The following ICE1 variants were observed in gnomAD, a reference collection of about 807,000 sequenced individuals.
The protein encoded by ICE1 is interactor of little elongation complex ELL subunit 1, also known as little elongation complex subunit 1.
In ICE1, 64 loss-of-function variants were observed where a neutral mutation model predicts 192.7. That is an observed-to-expected ratio of 0.33 (90% confidence interval 0.27 to 0.41). The LOEUF is 0.41. ICE1 is among the 10% of genes least tolerant of loss of function. The pLI is 1.00. For synonymous variants in ICE1, 1,010 were observed against 984.5 expected, an observed-to-expected ratio of 1.03 and a Z score of -0.49; for missense variants, 2,708 against 2,696.0, an observed-to-expected ratio of 1.00 and a Z score of -0.10.
In ICE1 at chr5:5,457,584, G is replaced by T; in HGVS notation, c.944G>T (p.Gly315Val). ...EVLVQSHRDG[G>V]STEFVDHDHF... is the part of the protein sequence containing the mutation. ...TTAGTACAAAGTCATCGTGACGGTG[G>T]TAGTACTGAATTTGTTGATCATGAT... The change falls in exon 12 of 19, where the codon GGT becomes GTT. Residue 315 changes from glycine to valine, a missense_variant. Coordinates refer to ENST00000296564, the MANE Select transcript of ICE1 (RefSeq NM_015325.3). 1.2e-6 allele frequency: 2 copies of T among 1,613,974 alleles called. No homozygotes were observed. Among genetic ancestry groups the T allele is most frequent in the Non-Finnish European group, 1.7e-6 (2 of 1,179,884 alleles).
In ICE1 at chr5:5,424,378, C is replaced by T. The variant is rs113179591; in HGVS notation, c.84+1379C>T. 4.0e-3 allele frequency among the ~76,000 whole-genome samples: 611 copies of T among 152,138 alleles called. 3 individuals are homozygous for T. Among genetic ancestry groups the T allele is most frequent in the Middle Eastern group, 0.01 (3 of 292 alleles). On this transcript the variant is annotated intron_variant, in intron 1 of 18. Coordinates refer to ENST00000296564, the MANE Select transcript of ICE1 (RefSeq NM_015325.3). Reference sequence around the variant, plus strand: ...TGTGTAGGTATCTTATAACGCCCCCCCGCCCCCGCCACCACCACCCCAGGA... The same window carrying T: ...TGTGTAGGTATCTTATAACGCCCCCTCGCCCCCGCCACCACCACCCCAGGA...
At chr5:5,456,435 G>GAGCT (rs1215446422) in intron 11 of ICE1, among the ~76,000 whole-genome samples, 2 of 152,166 alleles carry the variant, frequency 1.3e-5, no homozygotes, top group East Asian at 3.9e-4. Context: ...ACGTAAGGAA[G>GAGCT]AGCTGTTCCT....
At chr5:5,442,674 A>G (rs1445833969) in intron 5 of ICE1, among the ~76,000 whole-genome samples, 1 of 152,214 alleles carries the variant, frequency 6.6e-6, no homozygotes, top group Non-Finnish European at 1.5e-5. Context: ...GATTAAAGAA[A>G]TGTATAGTTA....
chr5:5,473,420 T>A, intron 15 of ICE1, 138 bp from the exon 16 acceptor site: 1 of 722,842 alleles, frequency 1.4e-6, no homozygotes, highest in South Asian at 2.0e-5. Flanking sequence ...ACATGGTTCC[T>A]TAGTCAAACT....
chr5:5,488,608 T>C (rs1463996033), intron 18 of ICE1, among the ~76,000 whole-genome samples: 2 of 151,468 alleles, frequency 1.3e-5, no homozygotes, highest in African/African-American at 4.9e-5. Flanking sequence ...ACTGTGATAA[T>C]ACACTGTAAT....
chr5:5,425,100 T>C (rs759293323), intron 1 of ICE1, among the ~76,000 whole-genome samples: 11 of 152,244 alleles, frequency 7.2e-5, no homozygotes, highest in Admixed American at 1.3e-4. Flanking sequence ...GCAGCTCTTT[T>C]TTTCTCATAA....
At chr5:5,442,948 T>G (rs942160505) in intron 5 of ICE1, among the ~76,000 whole-genome samples, 1 of 152,208 alleles carries the variant, frequency 6.6e-6, no homozygotes, top group African/African-American at 2.4e-5. Context: ...GCAATAAAAT[T>G]AGTATATTGT....
intron 16 of ICE1, among the ~76,000 whole-genome samples, chr5:5,475,189 G>T (rs574834944): frequency 1.3e-5 from 2 of 152,104 alleles, no homozygotes; most frequent in Non-Finnish European, 2.9e-5. Context: ...CCCTGCACTC[G>T]TGATGAAGAC....
In ICE1 at chr5:5,461,102, A is replaced by G; in HGVS notation, c.1768A>G (p.Arg590Gly). The change falls in exon 13 of 19, where the codon AGA becomes GGA. Residue 590 changes from arginine (R) to glycine (G), a missense_variant. Arg to Gly is a moderately radical substitution (Grantham distance 125). Coordinates refer to ENST00000296564, the MANE Select transcript of ICE1 (RefSeq NM_015325.3). ...TVSGHFHRLSRELEKEKEDTQ... is the reference protein window; with the variant it reads ...TVSGHFHRLSGELEKEKEDTQ... ...TTCTGGCCATTTTCACAGACTATCTAGAGAATTGGAAAAGGAAAAAGAAGA... is the reference window on the plus strand; with the variant it reads ...TTCTGGCCATTTTCACAGACTATCTGGAGAATTGGAAAAGGAAAAAGAAGA... 6.8e-6 allele frequency: 11 copies of G among 1,614,062 alleles called. No individual in the cohort carries two copies. Among genetic ancestry groups the G allele is most frequent in the Non-Finnish European group, 9.3e-6 (11 of 1,179,894 alleles).
intron 17 of ICE1, among the ~76,000 whole-genome samples, chr5:5,481,385 T>C (rs917221634): frequency 1.3e-5 from 2 of 152,200 alleles, no homozygotes; most frequent in Admixed American, 6.5e-5. Context: ...AGCAGCCTTA[T>C]ACGACAGCGG....
intron 11 of ICE1, among the ~76,000 whole-genome samples, chr5:5,456,702 C>G (rs1738592584): frequency 6.6e-6 from 1 of 152,054 alleles, no homozygotes; most frequent in African/African-American, 2.4e-5. Flanking sequence ...CTCTATAAAA[C>G]TTATTTTTAA....
intron 15 of ICE1, among the ~76,000 whole-genome samples, chr5:5,472,045 A>C (rs189195830): frequency 6.6e-6 from 1 of 152,298 alleles, no homozygotes; most frequent in African/African-American, 2.4e-5. Flanking sequence ...ACAAAGTAAG[A>C]ATGTGTTTAC....
At chr5:5,458,865 G>A (rs556600195) in intron 12 of ICE1, among the ~76,000 whole-genome samples, 3 of 152,146 alleles carry the variant, frequency 2.0e-5, no homozygotes, top group South Asian at 2.1e-4. Context: ...TAAGCAGCTC[G>A]CTTAAAATAT....
chr5:5,430,196 C>A (rs991203863), intron 1 of ICE1, among the ~76,000 whole-genome samples: 2 of 152,132 alleles, frequency 1.3e-5, no homozygotes, highest in African/African-American at 2.4e-5. Flanking sequence ...GGAGCCTGAT[C>A]GCCCTTCACC....
intron 6 of ICE1, among the ~76,000 whole-genome samples, chr5:5,443,722 C>T (rs143827539): frequency 1.3e-5 from 2 of 152,192 alleles, no homozygotes; most frequent in East Asian, 3.9e-4. Flanking sequence ...AGAAGCATCC[C>T]CTTGATCATT....
chr5:5,461,454 G>C lies in ICE1; in HGVS notation c.2120G>C (p.Ser707Thr). The C allele has an allele frequency of 6.2e-7, 1 of 1,614,038 alleles. No homozygotes were observed. The highest frequency in any genetic ancestry group is 1.1e-5 in the South Asian group (1 of 91,078). ...TTGGAGAATAGCTTGTGTGCCTTGAGCCCTGAATTGGGAGCATCTAATTTT... is the reference window on the plus strand; with the variant it reads ...TTGGAGAATAGCTTGTGTGCCTTGACCCCTGAATTGGGAGCATCTAATTTT... ...NNLENSLCAL[S>T]PELGASNFND... Residue 707 changes from serine (S) to threonine (T), a missense_variant, in exon 13 of 19, where the codon AGC becomes ACC. By Grantham distance (58) the Ser-to-Thr change is moderately conservative. Coordinates refer to ENST00000296564, the MANE Select transcript of ICE1 (RefSeq NM_015325.3).
At chr5:5,435,520 A>G (rs997118522) in intron 1 of ICE1, among the ~76,000 whole-genome samples, 7 of 152,126 alleles carry the variant, frequency 4.6e-5, no homozygotes, top group African/African-American at 1.7e-4. Context: ...TTAGTGATGG[A>G]AAAAGGAGAC....
At chr5:5,456,110 G>T (rs1738573653) in intron 11 of ICE1, among the ~76,000 whole-genome samples, 1 of 152,194 alleles carries the variant, frequency 6.6e-6, no homozygotes, top group South Asian at 2.1e-4. Flanking sequence ...CAGTGGTGCT[G>T]TTTCTCTTTG....
chr5:5,443,485 A>C (rs142320628), intron 6 of ICE1, among the ~76,000 whole-genome samples: 74 of 152,296 alleles, frequency 4.9e-4, no homozygotes, highest in Admixed American at 3.1e-3. Context: ...GGCTGCACAA[A>C]GAACTCCATA....
Sources: allele counts gnomAD v4.1 joint callset (sites outside exome capture counted in the v4.1 genomes callset), GRCh38; gene constraint gnomAD v4.1.1; transcripts MANE v1.5; gene names NCBI Gene and HGNC (gene_info 2026-07-23, HGNC 2026-07-21).